Variants in SLC28A1 observed in about 807,000 individuals in gnomAD.
SLC28A1 encodes sodium/nucleoside cotransporter 1.
A neutral mutation model predicts 74.8 loss-of-function variants in SLC28A1; 64 were observed. The observed-to-expected ratio is 0.86, with a 90% confidence interval of 0.70 to 1.05. The LOEUF (loss-of-function observed/expected upper bound fraction) is 1.05. Among genes scored for constraint, SLC28A1 ranks in the 50% least tolerant of loss-of-function variants. The pLI, the probability that SLC28A1 is intolerant of heterozygous loss-of-function variation, is 0.00. For synonymous variants in SLC28A1, 359 were observed against 335.0 expected (o/e 1.07, Z -0.78); for missense variants, 828 against 822.8 (o/e 1.01, Z -0.08).
At chr15:84,951,999 G>T in the SLC28A1 span, among the ~76,000 whole-genome samples, 12 of 152,260 alleles carry the variant, frequency 7.9e-5, no homozygotes, top group South Asian at 8.3e-4. Context: ...GCAGGAGTCG[G>T]CAGAGGTCCA....
chr15:84,920,714 G>GTGTGTGTGTGTGTGTGTGTGTT lies in SLC28A1; in HGVS notation c.877-265_877-264insTGTGTGTGTGTTTGTGTGTGTG, dbSNP rs67647514. Among the ~76,000 whole-genome samples, 170 of 152,172 alleles carry GTGTGTGTGTGTGTGTGTGTGTT rather than the reference G, an allele frequency of 1.1e-3. 3 individuals carry two copies. In the East Asian group the frequency reaches 0.014, roughly 13 times the overall value. On this transcript the variant is annotated intron_variant, in intron 10 of 18. Coordinates refer to ENST00000394573, the MANE Select transcript of SLC28A1 (RefSeq NM_004213.5). Reference sequence around the variant, plus strand: ...GGTAATCTCCAAGGGGTGTGTGTGTGTGTGTGTGTGCATTTCACAATTCTC... The same window carrying GTGTGTGTGTGTGTGTGTGTGTT: ...GGTAATCTCCAAGGGGTGTGTGTGTGTGTGTGTGTGTGTGTGTGTGTTTGTGTGTGTGCATTTCACAATTCTC...
chr15:84,891,189 A>G (rs1314604948), intron 5 of SLC28A1, among the ~76,000 whole-genome samples: 1 of 152,212 alleles, frequency 6.6e-6, no homozygotes, highest in Non-Finnish European at 1.5e-5. Context: ...GAAGGAGGGC[A>G]GGAAAGAGGG....
chr15:84,926,034 A>G (rs980845753), intron 12 of SLC28A1, among the ~76,000 whole-genome samples: 3 of 147,628 alleles, frequency 2.0e-5, no homozygotes, highest in African/African-American at 7.4e-5. Context: ...ATTTTATTCT[A>G]TATATAATAT....
the SLC28A1 span, among the ~76,000 whole-genome samples, chr15:84,967,210 G>A: frequency 1.1e-4 from 16 of 152,292 alleles, no homozygotes; most frequent in South Asian, 1.0e-3. Flanking sequence ...GCTTTGTTAC[G>A]TTGCTACTTG....
chr15:84,908,420 G>C (rs1218699919), intron 8 of SLC28A1, among the ~76,000 whole-genome samples: 6 of 152,046 alleles, frequency 3.9e-5, no homozygotes, highest in Admixed American at 3.9e-4. Context: ...CTGACCTCAG[G>C]TGATCCGCCT....
chr15:84,894,909 C>CT (rs746802618), intron 5 of SLC28A1, 31 bp from the exon 6 acceptor site: 4 of 1,607,106 alleles, frequency 2.5e-6, no homozygotes, highest in African/African-American at 2.7e-5. Context: ...GGTGTCCTGG[C>CT]TGTTGACCCC....
chr15:84,924,305 C>T (rs773179443), intron 12 of SLC28A1, among the ~76,000 whole-genome samples, 195 bp downstream of exon 12: 11 of 151,920 alleles, frequency 7.2e-5, no homozygotes, highest in Non-Finnish European at 1.5e-4. Flanking sequence ...CCACCTGGGG[C>T]AAAGCTTCCT....
At position 84,904,150 on chromosome 15, in the gene SLC28A1, CCT is replaced by C; in HGVS notation, c.517_518del (p.Ser173ProfsTer4). 6.2e-7 allele frequency: 1 copy of C among 1,614,194 alleles called. No homozygotes were observed. Among genetic ancestry groups the C allele is most frequent in the Non-Finnish European group, 8.5e-7 (1 of 1,180,030 alleles). On this transcript the variant is annotated frameshift_variant, in exon 7 of 19. Coordinates refer to ENST00000394573, the MANE Select transcript of SLC28A1 (RefSeq NM_004213.5). LOFTEE classifies it high-confidence loss of function. ...CTGGTCCTGTGGCTGTCTCTGGACA[CCT>C]CCCAGCGGCCTGAGCAACTGGTGTC... is the stretch of plus-strand genomic sequence containing the variant.
rs1596370241 is a variant in SLC28A1 at position 84,944,204 on chromosome 15, AAT to A, written c.1664-361_1664-360del. ...TGGCAGCTACACTGCCTGGTGGTAT[AAT>A]CACCCCATTTTACAAAGAAGGAAAC... On this transcript the variant is annotated intron_variant, in intron 16 of 18. Coordinates refer to ENST00000394573, the MANE Select transcript of SLC28A1 (RefSeq NM_004213.5). 3.9e-5 allele frequency among the ~76,000 whole-genome samples: 6 copies of A among 152,344 alleles called. No individual in the cohort carries two copies. In the East Asian group the frequency reaches 1.2e-3, roughly 29 times the overall value.
intron 12 of SLC28A1, among the ~76,000 whole-genome samples, chr15:84,928,542 C>T (rs1236405307): frequency 1.6e-4 from 3 of 18,490 alleles, no homozygotes; most frequent in South Asian, 3.5e-3. Flanking sequence ...TTCTTTCTTT[C>T]TTTCTTTCTT....
At chr15:84,947,401 C>A (rs549696739), downstream of SLC28A1, among the ~76,000 whole-genome samples, 1 of 152,224 alleles carries the variant, frequency 6.6e-6, no homozygotes, top group Non-Finnish European at 1.5e-5. Context: ...CCAAGGACTG[C>A]CCTTGACCCC....
rs1051686141 is a variant in SLC28A1 at position 84,938,005 on chromosome 15, A to T, written c.1581+2487A>T. Reference sequence around the variant, plus strand: ...ACCTGAGGTCAGGAGTTTGAGACCAACCTGACCAACATGGAGAAACCCCGT... The same window carrying T: ...ACCTGAGGTCAGGAGTTTGAGACCATCCTGACCAACATGGAGAAACCCCGT... On this transcript the variant is annotated intron_variant, in intron 15 of 18. Transcript: ENST00000394573. Among the ~76,000 whole-genome samples the T allele has an allele frequency of 5.9e-5, 9 of 151,998 alleles. 1 individual carries two copies. The South Asian group carries it at 1.0e-3, about 18-fold the overall frequency.
intron 18 of SLC28A1, 56 bp from the exon 19 acceptor site, chr15:84,945,069 G>A: frequency 1.4e-6 from 2 of 1,476,084 alleles, no homozygotes; most frequent in Non-Finnish European, 9.5e-7. Flanking sequence ...ACAGCCTGGT[G>A]GTGGCCCGCA....
At chr15:84,959,474 T>A in the SLC28A1 span, among the ~76,000 whole-genome samples, 1 of 151,750 alleles carries the variant, frequency 6.6e-6, no homozygotes, top group East Asian at 1.9e-4. Flanking sequence ...TTTCTGAAAC[T>A]CCTTTTTTTT....
At chr15:84,940,027 C>T (rs751823546) in intron 15 of SLC28A1, among the ~76,000 whole-genome samples, 20 of 152,162 alleles carry the variant, frequency 1.3e-4, no homozygotes, top group African/African-American at 4.6e-4. Context: ...GGGGTCTCGC[C>T]GTATTGCCCA....
At chr15:84,910,156 ATCT>A (rs1443061033) in intron 9 of SLC28A1, among the ~76,000 whole-genome samples, 3 of 152,164 alleles carry the variant, frequency 2.0e-5, no homozygotes, top group Non-Finnish European at 4.4e-5. Context: ...CCAGGTTCCT[ATCT>A]TCTCTGAAGT....
chr15:84,972,887 G>A, the SLC28A1 span, among the ~76,000 whole-genome samples: 1 of 152,196 alleles, frequency 6.6e-6, no homozygotes, highest in African/African-American at 2.4e-5. Flanking sequence ...CTTTTTCTGT[G>A]GGAGGGGTTA....
At chr15:84,947,662 C>T (rs1239961020), downstream of SLC28A1, among the ~76,000 whole-genome samples, 1 of 152,232 alleles carries the variant, frequency 6.6e-6, no homozygotes, top group Non-Finnish European at 1.5e-5. Context: ...ATAGGTGGCA[C>T]CTTCTCCCTG....
At chr15:84,943,196 CAAAAACAAAAAAAGAAACAAAAA>C (rs894950058) in intron 15 of SLC28A1, among the ~76,000 whole-genome samples, 1 of 151,692 alleles carries the variant, frequency 6.6e-6, no homozygotes, top group Non-Finnish European at 1.5e-5. Context: ...CAAACAAAAA[CAAAAACAAAAAAAGAAACAAAAA>C]AAGTTGAAGG....
Sources: gnomAD v4.1 joint callset for allele counts (sites outside exome capture counted in the v4.1 genomes callset) on GRCh38, gnomAD v4.1.1 for gene constraint, MANE v1.5 for transcripts, NCBI Gene and HGNC (gene_info 2026-07-23, HGNC 2026-07-21) for gene names.